RBFOX1: variants seen among roughly 807,000 people sequenced by gnomAD.
RBFOX1 encodes RNA binding fox-1 homolog 1.
Under a neutral mutation model 57.7 loss-of-function variants are expected in RBFOX1, and 8 were observed. That is an observed-to-expected ratio of 0.14 (90% CI 0.08 to 0.25). RBFOX1 has a LOEUF of 0.25. Among genes scored for constraint, RBFOX1 ranks in the 10% least tolerant of loss-of-function variants. RBFOX1 has a pLI of 1.00. For missense variants in RBFOX1, 611 were observed against 548.5 expected (o/e 1.11, Z -1.14); for synonymous variants, 326 against 222.4 (o/e 1.47, Z -4.15).
intron 3 of RBFOX1, among the ~76,000 whole-genome samples, chr16:6,935,880 C>G (rs1026176264): frequency 1.3e-5 from 2 of 152,154 alleles, no homozygotes; most frequent in Non-Finnish European, 2.9e-5. Flanking sequence ...GGGATGCTAG[C>G]CTGCACATCG....
intron 1 of RBFOX1, among the ~76,000 whole-genome samples, chr16:5,465,984 C>T (rs531653135): frequency 8.4e-4 from 128 of 152,220 alleles, no homozygotes; most frequent in Admixed American, 2.7e-3. Context: ...TTGATGGGAC[C>T]AGTTGGTTTT....
chr16:7,079,098 C>T (rs1009192212), intron 4 of RBFOX1, among the ~76,000 whole-genome samples: 4 of 151,924 alleles, frequency 2.6e-5, no homozygotes, highest in Admixed American at 1.3e-4. Context: ...GTATCTATCC[C>T]ATATGGTGTA....
intron 4 of RBFOX1, among the ~76,000 whole-genome samples, chr16:7,089,132 C>G (rs955095635): frequency 6.6e-6 from 1 of 152,162 alleles, no homozygotes; most frequent in Non-Finnish European, 1.5e-5. Flanking sequence ...AGCTCCATTT[C>G]CACCCGGTTT....
intron 2 of RBFOX1, among the ~76,000 whole-genome samples, chr16:5,481,770 C>T (rs554423574): frequency 6.6e-6 from 1 of 152,268 alleles, no homozygotes; most frequent in Non-Finnish European, 1.5e-5. Context: ...ACCAAGGTGT[C>T]AGCATGTTGG....
chr16:6,607,952 G>T (rs1177802125), intron 2 of RBFOX1, among the ~76,000 whole-genome samples: 2 of 152,164 alleles, frequency 1.3e-5, no homozygotes, highest in Non-Finnish European at 1.5e-5. Flanking sequence ...AAACAGCTAT[G>T]AGCTTGACCT....
At chr16:6,191,641 A>C (rs2097142599) in intron 1 of RBFOX1, among the ~76,000 whole-genome samples, 1 of 152,078 alleles carries the variant, frequency 6.6e-6, no homozygotes, top group Admixed American at 6.5e-5. Context: ...GTAATCTGTA[A>C]TTTTTTTGTT....
At chr16:5,762,311 A>G (rs1311749178) in intron 3 of RBFOX1, among the ~76,000 whole-genome samples, 2 of 151,668 alleles carry the variant, frequency 1.3e-5, no homozygotes, top group Non-Finnish European at 2.9e-5. Flanking sequence ...GTGAAATAAG[A>G]CATAATTTTT....
At chr16:6,752,456 A>G (rs976753360) in intron 3 of RBFOX1, among the ~76,000 whole-genome samples, 1 of 152,304 alleles carries the variant, frequency 6.6e-6, no homozygotes, top group East Asian at 1.9e-4. Flanking sequence ...GAATTTAGAG[A>G]TGGAATATGA....
chr16:6,643,918 G>A lies in RBFOX1; in HGVS notation c.-63-10685G>A, dbSNP rs148797847. On this transcript the variant is annotated intron_variant, in intron 2 of 15. Transcript: ENST00000550418. ...AGGTAGGTGGATCACCTGAGGTCAG[G>A]AGTTTGAGACCAGCCTGGCCAACAT... is the stretch of plus-strand genomic sequence containing the variant. Among the ~76,000 whole-genome samples, 40 of 152,252 alleles carry A rather than the reference G, an allele frequency of 2.6e-4. No homozygotes were observed. In the East Asian group the frequency reaches 7.5e-3, roughly 29 times the overall value.
At chr16:7,204,653 T>G (rs568349037) in intron 4 of RBFOX1, among the ~76,000 whole-genome samples, 1 of 152,152 alleles carries the variant, frequency 6.6e-6, no homozygotes, top group Admixed American at 6.5e-5. Flanking sequence ...CTTAAGAAAA[T>G]AAAAATGAAA....
At chr16:6,811,973 T>C (rs1159181222) in intron 3 of RBFOX1, among the ~76,000 whole-genome samples, 1 of 152,188 alleles carries the variant, frequency 6.6e-6, no homozygotes, top group Non-Finnish European at 1.5e-5. Context: ...CTTACAGATG[T>C]TGTTTCTCCT....
At chr16:7,520,771 T>C (rs1007068138) in intron 5 of RBFOX1, among the ~76,000 whole-genome samples, 1 of 152,260 alleles carries the variant, frequency 6.6e-6, no homozygotes, top group Non-Finnish European at 1.5e-5. Context: ...TTGTTGGCTA[T>C]TTTGTGACAA....
At chr16:6,962,240 G>A (rs910360456) in intron 3 of RBFOX1, among the ~76,000 whole-genome samples, 1 of 152,080 alleles carries the variant, frequency 6.6e-6, no homozygotes, top group Non-Finnish European at 1.5e-5. Context: ...CTAGGTGTGT[G>A]TCAGACCTCC....
intron 4 of RBFOX1, among the ~76,000 whole-genome samples, chr16:7,365,225 T>C (rs1373958966): frequency 6.6e-6 from 1 of 152,194 alleles, no homozygotes. Context: ...ATAAATGTCA[T>C]TAGAAACCAG....
intron 4 of RBFOX1, among the ~76,000 whole-genome samples, chr16:5,997,547 C>T (rs141798006): frequency 6.6e-6 from 1 of 152,316 alleles, no homozygotes; most frequent in African/African-American, 2.4e-5. Context: ...TTCTTGGTAG[C>T]TTCAAGAACT....
intron 3 of RBFOX1, among the ~76,000 whole-genome samples, chr16:5,663,175 A>G (rs1351482138): frequency 6.6e-6 from 1 of 152,180 alleles, no homozygotes; most frequent in Non-Finnish European, 1.5e-5. Flanking sequence ...CCAAATGCCA[A>G]GAGTGTTGAG....
intron 4 of RBFOX1, among the ~76,000 whole-genome samples, chr16:5,998,574 A>G (rs1355661425): frequency 3.3e-5 from 5 of 152,110 alleles, no homozygotes; most frequent in Non-Finnish European, 7.4e-5. Context: ...TATAAAATGG[A>G]TCAAAGCTGA....
chr16:6,639,205 C>G (rs541368143), intron 2 of RBFOX1, among the ~76,000 whole-genome samples: 1 of 152,330 alleles, frequency 6.6e-6, no homozygotes, highest in Non-Finnish European at 1.5e-5. Context: ...GCTGCGCCTT[C>G]TTTAATTGGC....
Position 5,386,760 on chromosome 16 carries a change from C to G in RBFOX1, c.220-80456C>G, listed in dbSNP as rs560435. On this transcript the variant is annotated intron_variant, in intron 1 of 2. Transcript: ENST00000585867. Reference sequence around the variant, plus strand: ...AGCTCACCAGCCGTACTTCTAAGAACGTACTTTGGGCCAGGCGTGGTGGCT... The same window carrying G: ...AGCTCACCAGCCGTACTTCTAAGAAGGTACTTTGGGCCAGGCGTGGTGGCT... Among the ~76,000 whole-genome samples, 3 of 151,986 alleles carry G rather than the reference C, an allele frequency of 2.0e-5. No individual in the cohort carries two copies. In the South Asian group the frequency reaches 6.2e-4, roughly 31 times the overall value.
Sources: gnomAD v4.1 joint callset for allele counts (sites outside exome capture counted in the v4.1 genomes callset) on GRCh38, gnomAD v4.1.1 for gene constraint, MANE v1.5 for transcripts, NCBI Gene and HGNC (gene_info 2026-07-23, HGNC 2026-07-21) for gene names.